The following SLC26A5 variants were observed in gnomAD, a reference collection of about 807,000 sequenced individuals.
The protein encoded by SLC26A5 is solute carrier family 26 member 5, also known as prestin.
Under a neutral mutation model 81.0 loss-of-function variants are expected in SLC26A5, and 51 were observed. The observed-to-expected ratio is 0.63, with a 90% CI of 0.50 to 0.80. The LOEUF (loss-of-function observed/expected upper bound fraction) is 0.80. SLC26A5 is among the 30% of genes least tolerant of loss of function. SLC26A5 has a pLI of 0.00. For missense variants in SLC26A5, 771 were observed against 905.8 expected (o/e 0.85, Z 1.91); for synonymous variants, 325 against 332.8 (o/e 0.98, Z 0.25).
chr7:103,395,797 G>A (rs1563538458), intron 9 of SLC26A5, among the ~76,000 whole-genome samples: 1 of 152,034 alleles, frequency 6.6e-6, no homozygotes, highest in African/African-American at 2.4e-5. Flanking sequence ...GGGATTACAG[G>A]AGTCTGCCAC....
Position 103,367,628 on chromosome 7 carries a change from T to C in SLC26A5, c.2041+9180A>G. On this transcript the variant is annotated intron_variant, in intron 19 of 19. Transcript: ENST00000339444. This position sits in a 1 kb window ranked among gnomAD's most constrained non-coding sequence, Gnocchi z 6.1. Reference sequence around the variant, plus strand: ...GCCCGATCTAGAGGTAAGAAAACCATTTCATTTTAGGAAAGGGATTTTTGA... The same window carrying C: ...GCCCGATCTAGAGGTAAGAAAACCACTTCATTTTAGGAAAGGGATTTTTGA... The C allele has an allele frequency of 6.2e-7, 1 of 1,612,188 alleles. No homozygotes were observed. The highest frequency in any genetic ancestry group is 8.5e-7 in the Non-Finnish European group (1 of 1,179,050).
chr7:103,434,706 C>T (rs917322628), intron 2 of SLC26A5, among the ~76,000 whole-genome samples: 9 of 152,074 alleles, frequency 5.9e-5, no homozygotes, highest in African/African-American at 1.9e-4. Flanking sequence ...GGCTGGAGTG[C>T]AGTGGCGCGA....
At chr7:103,361,401 T>TG (rs1820395000) in intron 19 of SLC26A5, among the ~76,000 whole-genome samples, 2 of 146,894 alleles carry the variant, frequency 1.4e-5, no homozygotes, top group African/African-American at 5.1e-5. Context: ...TCCCAGCTAC[T>TG]CGGGAGGCTG....
At chr7:103,392,308 T>A (rs908019142) in intron 10 of SLC26A5, among the ~76,000 whole-genome samples, 3 of 152,250 alleles carry the variant, frequency 2.0e-5, no homozygotes, top group African/African-American at 7.2e-5. Flanking sequence ...AAATACCTTA[T>A]CTGTGGCTGC....
At chr7:103,432,347 T>G (rs916826168) in intron 2 of SLC26A5, among the ~76,000 whole-genome samples, 1 of 152,280 alleles carries the variant, frequency 6.6e-6, no homozygotes, top group East Asian at 1.9e-4. Context: ...CTGGAATTTC[T>G]ATTTGACATT....
At chr7:103,406,336 C>CTG (rs1563552938) in intron 8 of SLC26A5, among the ~76,000 whole-genome samples, 1 of 152,288 alleles carries the variant, frequency 6.6e-6, no homozygotes, top group Middle Eastern at 3.4e-3. Context: ...GTCTCCTAGT[C>CTG]TGTGGGTTGT....
intron 2 of SLC26A5, among the ~76,000 whole-genome samples, chr7:103,421,809 T>C (rs1238807018): frequency 2.0e-5 from 3 of 152,220 alleles, no homozygotes; most frequent in African/African-American, 4.8e-5. Flanking sequence ...TAACAAAAGC[T>C]CATATTAAGT....
Position 103,391,703 on chromosome 7 carries a change from A to T in SLC26A5, c.1152T>A (p.Ile384=). Residue 384 remains isoleucine, a synonymous_variant, in exon 11 of 20, where the codon ATT becomes ATA. Coordinates refer to ENST00000306312, the MANE Select transcript of SLC26A5 (RefSeq NM_198999.3). ...ELIALGLCNS[I]GSLFQTFSIS... ...TTGAAAAGGTCTGGAAGAGTGAGCC[A>T]ATGGAATTGCACAGTCCCAGGGCAA... 6.2e-7 allele frequency: 1 copy of T among 1,614,124 alleles called. No homozygotes were observed. The highest frequency in any genetic ancestry group is 8.5e-7 in the Non-Finnish European group (1 of 1,180,020).
chr7:103,411,447 A>G lies in SLC26A5; in HGVS notation c.543T>C (p.Ser181=), dbSNP rs1448700860. The part of the protein sequence containing the change: ...RDALRVKVAM[S]VTLLSGIIQF... ...GAATGATTCCTGAAAGTAAGGTCAC[A>G]GACATGGCGACTTTCACTCTCAAGG... is the stretch of plus-strand genomic sequence containing the variant. The change falls in exon 6 of 20, where the codon TCT becomes TCC. Residue 181 remains serine, a synonymous_variant. Transcript: ENST00000306312. 6.2e-7 allele frequency: 1 copy of G among 1,614,186 alleles called. No individual in the cohort carries two copies. Among genetic ancestry groups the G allele is most frequent in the African/African-American group, 1.3e-5 (1 of 75,038 alleles).
chr7:103,440,200 G>C (rs1259582399), intron 2 of SLC26A5, among the ~76,000 whole-genome samples: 2 of 152,184 alleles, frequency 1.3e-5, no homozygotes, highest in African/African-American at 4.8e-5. Flanking sequence ...GTGACTCTAG[G>C]AAGAAAGGAA....
intron 19 of SLC26A5, 64 bp from the exon 20 acceptor site, chr7:103,374,656 A>T: frequency 6.7e-7 from 1 of 1,495,722 alleles, no homozygotes; most frequent in Admixed American, 1.8e-5. Flanking sequence ...AATTAAAAAA[A>T]AGTAACACTT....
chr7:103,424,408 T>C (rs942995831), intron 2 of SLC26A5, among the ~76,000 whole-genome samples: 9 of 152,240 alleles, frequency 5.9e-5, no homozygotes, highest in Non-Finnish European at 1.3e-4. Flanking sequence ...TCAGTACTTG[T>C]ATCTTAGCAG....
At chr7:103,362,208 A>AGTAAT in intron 19 of SLC26A5, 2 of 1,513,746 alleles carry the variant, frequency 1.3e-6, no homozygotes, top group Non-Finnish European at 8.8e-7. Flanking sequence ...AGGATGATCT[A>AGTAAT]GTAATGTACT....
At chr7:103,419,040 C>T (rs141770108) in intron 4 of SLC26A5, among the ~76,000 whole-genome samples, 5 of 152,196 alleles carry the variant, frequency 3.3e-5, no homozygotes, top group East Asian at 3.9e-4. Flanking sequence ...ATATGTCTCA[C>T]GAGATCTGAT....
intron 13 of SLC26A5, 101 bp downstream of exon 13, chr7:103,389,228 G>T: frequency 1.7e-6 from 2 of 1,180,446 alleles, no homozygotes; most frequent in African/African-American, 3.0e-5. Context: ...ACTGGATACT[G>T]CACATAACAA....
chr7:103,397,708 C>A (rs1823247498), intron 9 of SLC26A5, among the ~76,000 whole-genome samples: 2 of 122,624 alleles, frequency 1.6e-5, no homozygotes, highest in South Asian at 2.9e-4. Flanking sequence ...CAGAGTGAGA[C>A]TTCGTCTCAA....
rs556110302 is a variant in SLC26A5, at chr7:103,374,676, GT to G, written c.2042-85del. ...AAAAAAAGTAACACTTCCATATAGT[GT>G]TTTTTTTTTTGTTATTGTTTTTTGT... On this transcript the variant is annotated intron_variant, in intron 19 of 19. Transcript: ENST00000306312. 0.026 allele frequency: 21,404 copies of G among 837,182 alleles called. 180 individuals carry two copies. Among genetic ancestry groups the G allele is most frequent in the African/African-American group, 0.1 (5,568 of 53,730 alleles). The allele number at this position is 837,182 out of a possible 1,614,324, so 51.9% of individuals were successfully genotyped here.
intron 5 of SLC26A5, among the ~76,000 whole-genome samples, chr7:103,412,535 G>C (rs1250266716): frequency 6.7e-6 from 1 of 149,488 alleles, no homozygotes; most frequent in Non-Finnish European, 1.5e-5. Context: ...ATCTTGGGAG[G>C]AGTGTAGTTT....
chr7:103,376,798 G>A lies in SLC26A5; in HGVS notation c.2041+10C>T, dbSNP rs751088697. ...TATTAAGCTTCACCCCATCTTAGAG[G>A]TATACTCACCACTGCATCCTGCTAA... On this transcript the variant is annotated intron_variant, in intron 19 of 19. Coordinates refer to ENST00000306312, the MANE Select transcript of SLC26A5 (RefSeq NM_198999.3). 5.7e-6 allele frequency: 9 copies of A among 1,583,762 alleles called. No homozygotes were observed. The highest frequency in any genetic ancestry group is 1.1e-5 in the South Asian group (1 of 89,898).
Sources: gnomAD v4.1 joint callset for allele counts (sites outside exome capture counted in the v4.1 genomes callset) on GRCh38, gnomAD v4.1.1 for gene constraint, Gnocchi (gnomAD v3.1) non-coding constraint, MANE v1.5 for transcripts, NCBI Gene and HGNC (gene_info 2026-07-23, HGNC 2026-07-21) for gene names.